GALNT2: variants seen among roughly 807,000 people sequenced by gnomAD.
The protein encoded by GALNT2 is UDP-GalNAc:polypeptide N-acetylgalactosaminyltransferase 2.
GALNT2 carries 31 observed loss-of-function variants against 81.4 expected under a neutral mutation model. The observed-to-expected ratio is 0.38, with a 90% confidence interval of 0.29 to 0.51. The LOEUF is 0.51. Ranked by LOEUF, GALNT2 falls within the 20% of genes least tolerant of loss-of-function variation. The pLI is 0.87. For missense variants in GALNT2, 629 were observed against 765.7 expected, an observed-to-expected ratio of 0.82 and a Z score of 2.11; for synonymous variants, 303 against 287.4, an observed-to-expected ratio of 1.05 and a Z score of -0.55.
At chr1:230,127,100 G>A (rs961317671) in intron 1 of GALNT2, among the ~76,000 whole-genome samples, 1 of 151,970 alleles carries the variant, frequency 6.6e-6, no homozygotes, top group African/African-American at 2.4e-5. Context: ...TTAAACAAAC[G>A]TCCCCCCCTC....
chr1:230,276,727 C>T (rs562404775), intron 15 of GALNT2, among the ~76,000 whole-genome samples: 1 of 152,230 alleles, frequency 6.6e-6, no homozygotes, highest in Non-Finnish European at 1.5e-5. Flanking sequence ...ATCCGCATCT[C>T]TAAATGTCCA....
At chr1:230,188,926 C>A (rs1663428306) in intron 2 of GALNT2, among the ~76,000 whole-genome samples, 1 of 152,118 alleles carries the variant, frequency 6.6e-6, no homozygotes, top group Admixed American at 6.5e-5. Flanking sequence ...CTGTAATTGT[C>A]TCTGAATCTG....
At chr1:230,101,838 G>T (rs1660411929) in intron 1 of GALNT2, among the ~76,000 whole-genome samples, 1 of 152,158 alleles carries the variant, frequency 6.6e-6, no homozygotes, top group Non-Finnish European at 1.5e-5. Context: ...TGGAGCAATT[G>T]GCCTGGGAGA....
rs72647708 is a variant in GALNT2, at chr1:230,255,423, G to T, written c.1136+79G>T. 549 of 1,579,452 alleles carry T rather than the reference G, an allele frequency of 3.5e-4. 2 individuals carry two copies. The highest frequency in any genetic ancestry group is 2.2e-4 in the Non-Finnish European group (254 of 1,152,180). On this transcript the variant is annotated intron_variant, in intron 11 of 15. Transcript: ENST00000366672. Reference sequence around the variant, plus strand: ...CAGGACCTGACCTTGGGCTGTTTGAGGACAGATGTCCTTCAGTGGGTGTGG... The same window carrying T: ...CAGGACCTGACCTTGGGCTGTTTGATGACAGATGTCCTTCAGTGGGTGTGG...
chr1:230,105,116 C>T (rs567290949), intron 1 of GALNT2, among the ~76,000 whole-genome samples: 29 of 152,196 alleles, frequency 1.9e-4, no homozygotes, highest in Non-Finnish European at 3.7e-4. Context: ...CTGTTAGATC[C>T]ATTCTGCTAT....
chr1:230,138,204 G>C (rs374241729), intron 1 of GALNT2, among the ~76,000 whole-genome samples: 24 of 152,274 alleles, frequency 1.6e-4, no homozygotes, highest in African/African-American at 5.5e-4. Context: ...AGTCCATGGA[G>C]TAAAGTGAAA....
intron 14 of GALNT2, among the ~76,000 whole-genome samples, chr1:230,272,587 G>A (rs1315049996): frequency 6.6e-6 from 1 of 152,138 alleles, no homozygotes; most frequent in East Asian, 1.9e-4. Flanking sequence ...CTCCCTCCCT[G>A]TTAGGGGAGG....
rs920557689 is a variant in GALNT2, at chr1:230,136,193, T to C, written c.127-42025T>C. Reference sequence around the variant, plus strand: ...GGAGGGTGACAGAGCAGAGGAAATTTAGGTTTTCACTCTTCTGGGGGTGGG... The same window carrying C: ...GGAGGGTGACAGAGCAGAGGAAATTCAGGTTTTCACTCTTCTGGGGGTGGG... On this transcript the variant is annotated intron_variant, in intron 1 of 15. Transcript: ENST00000366672. Among the ~76,000 whole-genome samples, 11 of 152,140 alleles carry C rather than the reference T, an allele frequency of 7.2e-5. 1 individual carries two copies. The highest frequency in any genetic ancestry group is 7.2e-4 in the Admixed American group (11 of 15,272).
chr1:230,091,242 T>C (rs1029791086), intron 1 of GALNT2, among the ~76,000 whole-genome samples: 1 of 44,684 alleles, frequency 2.2e-5, no homozygotes. Flanking sequence ...ATTTTTTGTA[T>C]TTTTTTTTTT....
intron 14 of GALNT2, among the ~76,000 whole-genome samples, chr1:230,272,566 C>G (rs779225026): frequency 4.6e-5 from 7 of 152,104 alleles, no homozygotes; most frequent in Non-Finnish European, 7.4e-5. Context: ...AGTGAGCAGG[C>G]TTGCCCAAGC....
In GALNT2 at chr1:230,067,260, G is replaced by A. The variant is rs1312440023; in HGVS notation, c.-21G>A. 3 of 1,286,378 alleles carry A rather than the reference G, an allele frequency of 2.3e-6. No homozygotes were observed. Among genetic ancestry groups the A allele is most frequent in the Non-Finnish European group, 3.0e-6 (3 of 1,008,516 alleles). The allele number at this position is 1,286,378 out of a possible 1,614,324, so 79.7% of individuals were successfully genotyped here. On this transcript the variant is annotated 5_prime_UTR_variant, in exon 1 of 16. Coordinates refer to ENST00000366672, the MANE Select transcript of GALNT2 (RefSeq NM_004481.5). ...AGCACTCGCGAGCAGCGGCGGCCCC[G>A]CCGGCGGCCGAGTTGGGAGAATGCG... is the stretch of plus-strand genomic sequence containing the variant.
At chr1:230,164,306 A>G (rs1187711049) in intron 1 of GALNT2, among the ~76,000 whole-genome samples, 1 of 152,130 alleles carries the variant, frequency 6.6e-6, no homozygotes, top group Non-Finnish European at 1.5e-5. Context: ...TGTGTGTGTG[A>G]TTGCCCGTAC....
At chr1:230,210,059 T>G (rs562540869) in intron 3 of GALNT2, among the ~76,000 whole-genome samples, 27 of 152,338 alleles carry the variant, frequency 1.8e-4, no homozygotes, top group Non-Finnish European at 3.7e-4. Flanking sequence ...CCTTGATGCC[T>G]TCTTTAGAGT....
intron 14 of GALNT2, among the ~76,000 whole-genome samples, chr1:230,270,255 A>G (rs1045544528): frequency 2.0e-5 from 3 of 152,204 alleles, no homozygotes; most frequent in African/African-American, 7.2e-5. Context: ...AGCGTTTTCT[A>G]GTGGAAAGAT....
intron 1 of GALNT2, among the ~76,000 whole-genome samples, chr1:230,115,781 C>T (rs186706374): frequency 6.6e-6 from 1 of 152,208 alleles, no homozygotes; most frequent in African/African-American, 2.4e-5. Flanking sequence ...GAATAGGAGT[C>T]AGTTCCCTCA....
intron 7 of GALNT2, among the ~76,000 whole-genome samples, chr1:230,245,847 C>T (rs935009814): frequency 6.6e-6 from 1 of 152,172 alleles, no homozygotes; most frequent in Non-Finnish European, 1.5e-5. Context: ...GACCTCCCTC[C>T]CTGCCTCCCA....
intron 1 of GALNT2, among the ~76,000 whole-genome samples, chr1:230,075,727 G>A (rs1022089110): frequency 2.6e-5 from 4 of 152,180 alleles, no homozygotes; most frequent in African/African-American, 7.2e-5. Context: ...AGTCAGTTAC[G>A]TCGTGTGCAG....
At position 230,133,261 on chromosome 1, in the gene GALNT2, G is replaced by A. The variant is rs114920544; in HGVS notation, c.127-44957G>A. The stretch of plus-strand genomic sequence containing the variant: ...TAGATTTCTAAAAGTGGAATTACCG[G>A]GTCAGAGAGTTTGAACATTTTTAAG... On this transcript the variant is annotated intron_variant, in intron 1 of 15. Coordinates refer to ENST00000366672, the MANE Select transcript of GALNT2 (RefSeq NM_004481.5). Among the ~76,000 whole-genome samples, 1,109 of 152,136 alleles carry A rather than the reference G, an allele frequency of 7.3e-3. 20 individuals are homozygous for A. Among genetic ancestry groups the A allele is most frequent in the African/African-American group, 0.024 (996 of 41,492 alleles).
At chr1:230,068,372 T>A (rs1362411624) in intron 1 of GALNT2, among the ~76,000 whole-genome samples, 1 of 152,268 alleles carries the variant, frequency 6.6e-6, no homozygotes, top group African/African-American at 2.4e-5. Context: ...GGCTGTGTGC[T>A]GGAGCATGCC....
Sources: allele counts gnomAD v4.1 joint callset (sites outside exome capture counted in the v4.1 genomes callset), GRCh38; gene constraint gnomAD v4.1.1; transcripts MANE v1.5; gene names NCBI Gene and HGNC (gene_info 2026-07-23, HGNC 2026-07-21).